Variants in RBM26 observed in about 807,000 individuals in gnomAD.
The protein encoded by RBM26 is RNA binding motif protein 26.
Under a neutral mutation model 123.6 loss-of-function variants are expected in RBM26, and 30 were observed. That is an observed-to-expected ratio of 0.24 (90% CI 0.18 to 0.33). RBM26 has a LOEUF of 0.33. RBM26 is among the 10% of genes least tolerant of loss of function. The pLI is 1.00. For synonymous variants in RBM26, 400 were observed against 404.4 expected (o/e 0.99, Z 0.13); for missense variants, 947 against 1,203.6 (o/e 0.79, Z 3.15).
Position 79,344,324 on chromosome 13 carries a change from T to C in RBM26, c.2185-2A>G. 6.3e-7 allele frequency: 1 copy of C among 1,595,784 alleles called. No individual in the cohort carries two copies. Among genetic ancestry groups the C allele is most frequent in the Non-Finnish European group, 8.6e-7 (1 of 1,163,978 alleles). On this transcript the variant is annotated splice_acceptor_variant, in intron 15 of 21. Coordinates refer to ENST00000438737, the MANE Select transcript of RBM26 (RefSeq NM_001366735.2). LOFTEE classifies it high-confidence loss of function. ...ATCCTGCTGAAGTTTCAATGCCTCC[T>C]AGAATCAGGGATCAAAAATATCATT...
intron 11 of RBM26, among the ~76,000 whole-genome samples, chr13:79,356,385 CAAACA>C (rs2074010104): frequency 8.1e-5 from 1 of 12,394 alleles, no homozygotes; most frequent in Non-Finnish European, 1.9e-4. Context: ...AAAAAAAAAA[CAAACA>C]AAAAAAAACA....
downstream of RBM26, among the ~76,000 whole-genome samples, chr13:79,317,414 AC>A (rs1237285708): frequency 2.6e-5 from 4 of 151,658 alleles, no homozygotes; most frequent in Admixed American, 2.6e-4. Context: ...ATCTAGTCCA[AC>A]TCTTTATTTT....
chr13:79,317,909 T>C (rs901945079), downstream of RBM26, among the ~76,000 whole-genome samples: 2 of 151,744 alleles, frequency 1.3e-5, no homozygotes, highest in East Asian at 1.9e-4. Flanking sequence ...CATTCATTAA[T>C]TCATCCAACA....
At chr13:79,380,339 C>T (rs1024144299) in intron 1 of RBM26, among the ~76,000 whole-genome samples, 1 of 151,720 alleles carries the variant, frequency 6.6e-6, no homozygotes, top group African/African-American at 2.4e-5. Flanking sequence ...AAATGCAAGA[C>T]AAAGAAAAGG....
chr13:79,402,872 T>TAC (rs1439305419), intron 1 of RBM26, among the ~76,000 whole-genome samples: 10 of 152,164 alleles, frequency 6.6e-5, no homozygotes, highest in African/African-American at 2.2e-4. Context: ...ACCTACTATA[T>TAC]CTTGCACACT....
In RBM26 at chr13:79,350,634, T is replaced by C. The variant is rs952819139; in HGVS notation, c.2058+2519A>G. 1.1e-4 allele frequency among the ~76,000 whole-genome samples: 17 copies of C among 152,300 alleles called. No individual in the cohort carries two copies. The South Asian group carries it at 2.9e-3, about 26-fold the overall frequency. On this transcript the variant is annotated intron_variant, in intron 14 of 21. Transcript: ENST00000438737. ...TAAAGGTTTTACTGTGTGTTGTTGA[T>C]AGGGAAGGTATAAAATGTTACATTT...
intron 1 of RBM26, among the ~76,000 whole-genome samples, chr13:79,394,665 G>A (rs532388019): frequency 2.0e-5 from 3 of 152,032 alleles, no homozygotes; most frequent in Non-Finnish European, 2.9e-5. Flanking sequence ...ACAGAGTCTC[G>A]CTCTGTTGCC....
rs2140658191 is a variant in RBM26 at position 79,405,872 on chromosome 13, C to T, written c.-98G>A. On this transcript the variant is annotated 5_prime_UTR_variant, in exon 1 of 22. Coordinates refer to ENST00000438737, the MANE Select transcript of RBM26 (RefSeq NM_001366735.2). ...CGCCCCCTCCTCCGCGCGCCGCCCG[C>T]GTGGGCCGCGGTGGGAGGCGCCGGT... The T allele has an allele frequency of 1.5e-6, 1 of 669,738 alleles. No homozygotes were observed. Among genetic ancestry groups the T allele is most frequent in the East Asian group, 3.7e-5 (1 of 26,698 alleles). The allele number at this position is 669,738 out of a possible 1,614,324, so 41.5% of individuals were successfully genotyped here. A position where few individuals can be genotyped will look rare whatever the true frequency, so the allele number is the denominator to read the frequency against.
At chr13:79,390,494 T>C (rs182838695) in intron 1 of RBM26, among the ~76,000 whole-genome samples, 5 of 152,296 alleles carry the variant, frequency 3.3e-5, no homozygotes, top group African/African-American at 4.8e-5. Context: ...AGGGTAATGT[T>C]ATCTTAACAG....
intron 1 of RBM26, among the ~76,000 whole-genome samples, chr13:79,388,651 C>T (rs894171909): frequency 6.6e-6 from 1 of 152,184 alleles, no homozygotes; most frequent in African/African-American, 2.4e-5. Flanking sequence ...TCATCACAGG[C>T]ATCCAAACTT....
chr13:79,374,541 C>T (rs12873573), intron 3 of RBM26, among the ~76,000 whole-genome samples: 9,796 of 152,150 alleles, frequency 0.064, 442 homozygotes, highest in Non-Finnish European at 0.1. Context: ...AATGGAAATC[C>T]TATTAACAGA....
chr13:79,343,795 G>A (rs1353446007), intron 16 of RBM26, among the ~76,000 whole-genome samples: 1 of 151,726 alleles, frequency 6.6e-6, no homozygotes, highest in African/African-American at 2.4e-5. Flanking sequence ...TACATTTTGA[G>A]ATCTAGTGTA....
chr13:79,363,289 G>A (rs1358498016), intron 9 of RBM26, among the ~76,000 whole-genome samples: 2 of 152,116 alleles, frequency 1.3e-5, no homozygotes, highest in African/African-American at 4.8e-5. Flanking sequence ...TTAGGAACGT[G>A]TAATAATTAT....
At chr13:79,398,088 A>C (rs970644451) in intron 1 of RBM26, among the ~76,000 whole-genome samples, 2 of 152,250 alleles carry the variant, frequency 1.3e-5, no homozygotes, top group Non-Finnish European at 2.9e-5. Flanking sequence ...GTAAATTGAA[A>C]AGACTTTTTC....
chr13:79,366,177 G>T lies in RBM26; in HGVS notation c.1154C>A (p.Pro385His), dbSNP rs779480380. The T allele has an allele frequency of 1.6e-5, 26 of 1,613,104 alleles. No homozygotes were observed. The highest frequency in any genetic ancestry group is 2.5e-6 in the Non-Finnish European group (3 of 1,179,568). ...ATCCATGCCAGATGGCTGCAAAGGAGGAAGTGGAGGTGGTGGTCCTGTCAA... is the reference window on the plus strand; with the variant it reads ...ATCCATGCCAGATGGCTGCAAAGGATGAAGTGGAGGTGGTGGTCCTGTCAA... The part of the protein sequence containing the change: ...PPVTGPPPPL[P>H]PLQPSGMDAP... Residue 385 changes from proline to histidine, a missense_variant, in exon 8 of 22, where the codon CCT becomes CAT. Pro to His is a moderately conservative substitution (Grantham distance 77). Coordinates refer to ENST00000438737, the MANE Select transcript of RBM26 (RefSeq NM_001366735.2).
intron 3 of RBM26, among the ~76,000 whole-genome samples, chr13:79,374,073 A>G (rs900631716): frequency 1.3e-5 from 2 of 152,134 alleles, no homozygotes; most frequent in Admixed American, 6.6e-5. Flanking sequence ...ACTGAGAACC[A>G]TAAGATATTC....
rs140932445 is a variant in RBM26, at chr13:79,344,402, A to G, written c.2185-80T>C. ...ATTCAAGAGAAGAGAAATAGTTGTA[A>G]CTGCAGAAGTCTGTCAACAAAAATT... On this transcript the variant is annotated intron_variant, in intron 15 of 21. Transcript: ENST00000438737. 2.1e-4 allele frequency: 229 copies of G among 1,116,940 alleles called. No individual in the cohort carries two copies. The East Asian group carries it at 5.2e-3, about 25-fold the overall frequency. The allele number at this position is 1,116,940 out of a possible 1,614,324, so 69.2% of individuals were successfully genotyped here.
At position 79,370,927 on chromosome 13, in the gene RBM26, C is replaced by A; in HGVS notation, c.634+18G>T. Reference sequence around the variant, plus strand: ...CATGGAGTTTTTCATAAAAAGATAACCAAAATATATTATTTACCCCTGCTT... The same window carrying A: ...CATGGAGTTTTTCATAAAAAGATAAACAAAATATATTATTTACCCCTGCTT... On this transcript the variant is annotated intron_variant, in intron 5 of 21. Transcript: ENST00000438737. 1 of 1,584,862 alleles carries A rather than the reference C, an allele frequency of 6.3e-7. No individual in the cohort carries two copies. The highest frequency in any genetic ancestry group is 1.1e-5 in the South Asian group (1 of 88,582).
intron 9 of RBM26, among the ~76,000 whole-genome samples, chr13:79,361,050 A>T (rs1364654239): frequency 6.6e-6 from 1 of 152,174 alleles, no homozygotes; most frequent in African/African-American, 2.4e-5. Context: ...CATATACTCA[A>T]TTCTAAATTT....
Sources: allele counts gnomAD v4.1 joint callset (sites outside exome capture counted in the v4.1 genomes callset), GRCh38; gene constraint gnomAD v4.1.1; transcripts MANE v1.5; gene names NCBI Gene and HGNC (gene_info 2026-07-23, HGNC 2026-07-21).